RAD51: variants seen among roughly 807,000 people sequenced by gnomAD.
The protein encoded by RAD51 is RAD51 recombinase, also known as DNA repair protein RAD51 homolog 1.
RAD51 carries 14 observed loss-of-function variants against 41.5 expected under a neutral mutation model. The observed-to-expected ratio is 0.34, with a 90% CI of 0.22 to 0.53. The LOEUF (loss-of-function observed/expected upper bound fraction) is 0.53. Ranked by LOEUF, RAD51 falls within the 20% of genes least tolerant of loss-of-function variation. The pLI, the probability that RAD51 is intolerant of heterozygous loss-of-function variation, is 0.95. For synonymous variants in RAD51, 136 were observed against 148.6 expected (o/e 0.92, Z 0.62); for missense variants, 234 against 422.0 (o/e 0.55, Z 3.90).
At chr15:40,713,588 T>G (rs1474910937) in intron 5 of RAD51, among the ~76,000 whole-genome samples, 1 of 151,086 alleles carries the variant, frequency 6.6e-6, no homozygotes, top group Non-Finnish European at 1.5e-5. Flanking sequence ...ATATTTTCTT[T>G]GCAGACCAAA....
intron 2 of RAD51, 118 bp from the exon 3 acceptor site, chr15:40,700,946 A>T: frequency 2.3e-6 from 2 of 886,426 alleles, no homozygotes; most frequent in South Asian, 1.5e-5. Context: ...CAAGGATTTC[A>T]AGGGACAGTT....
intron 6 of RAD51, among the ~76,000 whole-genome samples, chr15:40,725,538 T>C (rs1014252845): frequency 6.6e-6 from 1 of 152,194 alleles, no homozygotes; most frequent in Non-Finnish European, 1.5e-5. Flanking sequence ...TTAGCCCACA[T>C]GCATGTTACT....
At chr15:40,710,501 CAAAAAAAAA>C (rs747933816) in intron 5 of RAD51, among the ~76,000 whole-genome samples, 5 of 48,764 alleles carry the variant, frequency 1.0e-4, no homozygotes, top group Non-Finnish European at 1.8e-4. Context: ...GACTCTGTCT[CAAAAAAAAA>C]AAAAAAAAAA....
chr15:40,716,854 G>A (rs1001608910), intron 5 of RAD51, among the ~76,000 whole-genome samples: 1 of 151,474 alleles, frequency 6.6e-6, no homozygotes, highest in South Asian at 2.1e-4. Flanking sequence ...TAGAGACAAG[G>A]TTTTACCATG....
rs1446726056 is a variant in RAD51 at position 40,727,013 on chromosome 15, G to GT, written c.531-1690dup. On this transcript the variant is annotated intron_variant, in intron 6 of 9. Transcript: ENST00000267868. ...GAGCCTAAGCACAGAGGTTCCCATA[G>GT]TTTTTTTTGTGAGTGCCGCTGAGAG... is the stretch of plus-strand genomic sequence containing the variant. Among the ~76,000 whole-genome samples, 26 of 151,798 alleles carry GT rather than the reference G, an allele frequency of 1.7e-4. No individual in the cohort carries two copies. In the East Asian group the frequency reaches 2.1e-3, roughly 12 times the overall value.
intron 6 of RAD51, among the ~76,000 whole-genome samples, chr15:40,726,844 C>T (rs968142577): frequency 6.1e-5 from 9 of 148,728 alleles, no homozygotes; most frequent in Admixed American, 1.4e-4. Context: ...ACCTGGGAGG[C>T]GGAACTTGCA....
chr15:40,700,165 A>C (rs1049766727), intron 2 of RAD51, among the ~76,000 whole-genome samples: 2 of 152,152 alleles, frequency 1.3e-5, no homozygotes, highest in Non-Finnish European at 2.9e-5. Context: ...CCAACCCCTG[A>C]ATGCACCCAC....
At chr15:40,720,854 C>G (rs968051241) in intron 6 of RAD51, among the ~76,000 whole-genome samples, 3 of 152,214 alleles carry the variant, frequency 2.0e-5, no homozygotes, top group African/African-American at 7.2e-5. Context: ...GAGAAGCATT[C>G]CACATCATGG....
intron 6 of RAD51, among the ~76,000 whole-genome samples, chr15:40,719,891 T>C (rs534204073): frequency 9.6e-4 from 145 of 151,000 alleles, no homozygotes; most frequent in South Asian, 4.6e-3. Flanking sequence ...AAAAGGTCAG[T>C]TTGTCAGGAA....
At chr15:40,712,877 C>CTTTTTTTTTTTTTT (rs398039433) in intron 5 of RAD51, among the ~76,000 whole-genome samples, 15 of 103,896 alleles carry the variant, frequency 1.4e-4, no homozygotes, top group East Asian at 3.2e-4. Flanking sequence ...CTTTTCTTTT[C>CTTTTTTTTTTTTTT]TTTTTTTTTT....
intron 2 of RAD51, among the ~76,000 whole-genome samples, chr15:40,699,371 G>T (rs965509762): frequency 2.0e-5 from 3 of 152,252 alleles, no homozygotes; most frequent in Admixed American, 6.5e-5. Flanking sequence ...TCGAACTCCT[G>T]ACCTCAGGTG....
chr15:40,701,150 G>T lies in RAD51; in HGVS notation c.174G>T (p.Lys58Asn). ...TVEAVAYAPK[K>N]ELINIKGISE... ...AGGCTGTTGCCTATGCGCCAAAGAA[G>T]GAGCTAATAAATATTAAGGGAATTA... The change falls in exon 3 of 10, where the codon AAG becomes AAT. Residue 58 changes from lysine to asparagine, a missense_variant. Physicochemically the swap from Lys to Asn is moderately conservative, Grantham distance 94. Transcript: ENST00000267868. 6.2e-7 allele frequency: 1 copy of T among 1,614,144 alleles called. No homozygotes were observed. Among genetic ancestry groups the T allele is most frequent in the Non-Finnish European group, 8.5e-7 (1 of 1,180,024 alleles).
At chr15:40,710,489 G>A (rs1440442089) in intron 5 of RAD51, among the ~76,000 whole-genome samples, 2 of 109,490 alleles carry the variant, frequency 1.8e-5, no homozygotes, top group African/African-American at 7.9e-5. Flanking sequence ...TCAAAGAAGC[G>A]AGACTCTGTC....
Position 40,731,283 on chromosome 15 carries a change from G to A in RAD51, c.*105G>A, listed in dbSNP as rs894100309. The A allele has an allele frequency of 6.6e-7, 1 of 1,504,354 alleles. No individual in the cohort carries two copies. The highest frequency in any genetic ancestry group is 1.4e-5 in the African/African-American group (1 of 72,502). The allele number at this position is 1,504,354 out of a possible 1,614,324, so 93.2% of individuals were successfully genotyped here. On this transcript the variant is annotated 3_prime_UTR_variant, in exon 10 of 10. Transcript: ENST00000267868. The stretch of plus-strand genomic sequence containing the variant: ...GGCCTCTTCCTGTTGTGACTGCCAG[G>A]ATAAAGCTTCCGGGAAAACAGCTAT...
intron 1 of RAD51, among the ~76,000 whole-genome samples, chr15:40,698,202 T>G (rs891710974): frequency 3.9e-5 from 6 of 151,940 alleles, no homozygotes; most frequent in Admixed American, 1.3e-4. Context: ...TTTTGTTTTT[T>G]TTTTTGAGAC....
chr15:40,721,133 A>C (rs1567049871), intron 6 of RAD51, among the ~76,000 whole-genome samples: 3 of 152,232 alleles, frequency 2.0e-5, no homozygotes. Context: ...CAGTGACCTG[A>C]GATCGCGCCA....
chr15:40,725,151 G>A (rs972600482), intron 6 of RAD51, among the ~76,000 whole-genome samples: 1 of 151,862 alleles, frequency 6.6e-6, no homozygotes, highest in South Asian at 2.1e-4. Flanking sequence ...CACCCGCCTC[G>A]GCCTCCCAAA....
At chr15:40,712,537 C>T (rs986056543) in intron 5 of RAD51, among the ~76,000 whole-genome samples, 4 of 152,116 alleles carry the variant, frequency 2.6e-5, no homozygotes, top group South Asian at 2.1e-4. Context: ...AATGGGGAGC[C>T]GTTTTTCCTT....
intron 5 of RAD51, among the ~76,000 whole-genome samples, chr15:40,717,080 C>T (rs1245743059): frequency 6.6e-5 from 10 of 151,922 alleles, no homozygotes; most frequent in East Asian, 5.8e-4. Context: ...CAGTGGCTCA[C>T]GCCTCCCAGC....
Sources: gnomAD v4.1 joint callset for allele counts (sites outside exome capture counted in the v4.1 genomes callset) on GRCh38, gnomAD v4.1.1 for gene constraint, MANE v1.5 for transcripts, NCBI Gene and HGNC (gene_info 2026-07-23, HGNC 2026-07-21) for gene names.